KRTAP21-2: variants seen among roughly 807,000 people sequenced by gnomAD.
KRTAP21-2 encodes keratin associated protein 21-2.
For missense variants in KRTAP21-2, 103 were observed against 101.2 expected (o/e 1.02, Z -0.08); for synonymous variants, 38 against 38.6 (o/e 0.98, Z 0.06).
chr21:30,746,829 C>T lies in KRTAP21-2; in HGVS notation c.*122G>A. 3.5e-6 allele frequency: 4 copies of T among 1,154,940 alleles called. No individual in the cohort carries two copies. The highest frequency in any genetic ancestry group is 4.9e-6 in the Non-Finnish European group (4 of 815,568). 71.5% of individuals were successfully genotyped at this position (1,154,940 alleles called of 1,614,324 possible). A position where few individuals can be genotyped will look rare whatever the true frequency, so the allele number is the denominator to read the frequency against. On this transcript the variant is annotated 3_prime_UTR_variant, in exon 1 of 1. Transcript: ENST00000333892. ...GCCAACAGCTTCTCTTATATGCATT[C>T]AGATAGTCAGGTGACCATAGTCAAC...
chr21:30,746,991 C>G lies in KRTAP21-2; in HGVS notation c.212G>C (p.Arg71Pro). The G allele has an allele frequency of 6.2e-7, 1 of 1,613,884 alleles. No homozygotes were observed. The highest frequency in any genetic ancestry group is 8.5e-7 in the Non-Finnish European group (1 of 1,179,916). The part of the protein sequence containing the change: ...CGYSSSCCGY[R>P]PLCYRRCYSS... The stretch of plus-strand genomic sequence containing the variant: ...ATAGCATCTTCTGTAGCAAAGTGGT[C>G]GGTAGCCACAGCAGCTAGAGCTGTA... The change falls in exon 1 of 1, where the codon CGA (arginine) becomes CCA (proline). Residue 71 changes from arginine to proline, a missense_variant. Arg to Pro is a moderately radical substitution (Grantham distance 103, BLOSUM62 -2). Transcript: ENST00000333892.
At position 30,747,202 on chromosome 21, in the gene KRTAP21-2, TGATTTCAGGAGGTTA is replaced by T. The variant is rs1404358541; in HGVS notation, c.-15_-1del. 34 of 1,612,076 alleles carry T rather than the reference TGATTTCAGGAGGTTA, an allele frequency of 2.1e-5. No individual in the cohort carries two copies. The highest frequency in any genetic ancestry group is 2.6e-5 in the Non-Finnish European group (31 of 1,178,476). ...CAGTTTCTGTAGTAGTTGCAACACA[TGATTTCAGGAGGTTA>T]GATTTCAGTTGAGGTGTAGGAGGAT... On this transcript the variant is annotated 5_prime_UTR_variant, in exon 1 of 1. Transcript: ENST00000333892.
rs1313865540 is a variant in KRTAP21-2, at chr21:30,747,078, C to G, written c.125G>C (p.Gly42Ala). The change falls in exon 1 of 1, where the codon GGC (glycine) becomes GCC (alanine). Residue 42 changes from glycine (G) to alanine (A), a missense_variant. By Grantham distance (60) the Gly-to-Ala change is moderately conservative. Coordinates refer to ENST00000333892, the MANE Select transcript of KRTAP21-2 (RefSeq NM_181617.3). The part of the protein sequence containing the change: ...GYGSGCRYGS[G>A]YGTGCGYGCG... Reference sequence around the variant, plus strand: ...GCCATAGCCACAGCCAGTTCCATAGCCAGAGCCATATCTACAGCCAGAGCC... The same window carrying G: ...GCCATAGCCACAGCCAGTTCCATAGGCAGAGCCATATCTACAGCCAGAGCC... 6.2e-7 allele frequency: 1 copy of G among 1,613,956 alleles called. No individual in the cohort carries two copies. Among genetic ancestry groups the G allele is most frequent in the East Asian group, 2.2e-5 (1 of 44,854 alleles).
Position 30,747,144 on chromosome 21 carries a change from C to A in KRTAP21-2, c.59G>T (p.Ser20Ile). Residue 20 changes from serine (S) to isoleucine (I), a missense_variant, in exon 1 of 1, where the codon AGT becomes ATT. Coordinates refer to ENST00000333892, the MANE Select transcript of KRTAP21-2 (RefSeq NM_181617.3). ...GCCACAACCATATCCACAGCCGGAACTCCAGCCAGAGCCATATCCACAGCC... is the reference window on the plus strand; with the variant it reads ...GCCACAACCATATCCACAGCCGGAAATCCAGCCAGAGCCATATCCACAGCC... ...CGGCGYGSGW[S>I]SGCGYGCGYG... The A allele has an allele frequency of 6.2e-7, 1 of 1,614,000 alleles. No homozygotes were observed. Among genetic ancestry groups the A allele is most frequent in the Non-Finnish European group, 8.5e-7 (1 of 1,179,984 alleles).
Position 30,747,125 on chromosome 21 carries a change from ACCATATCCACAG to A in KRTAP21-2, c.66_77del (p.Cys31_Gly34del), listed in dbSNP as rs769521603. 1.8e-5 allele frequency: 29 copies of A among 1,613,520 alleles called. 2 individuals carry two copies. In the South Asian group the frequency reaches 3.2e-4, roughly 18 times the overall value. ...AGCCGTATCCACAGCCATAGCCACAACCATATCCACAGCCGGAACTCCAGCCAGAGCCATATC... is the reference window on the plus strand; with the variant it reads ...AGCCGTATCCACAGCCATAGCCACAACCGGAACTCCAGCCAGAGCCATATC... On this transcript the variant is annotated inframe_deletion, in exon 1 of 1. Transcript: ENST00000333892.
Position 30,746,891 on chromosome 21 carries a change from T to G in KRTAP21-2, c.*60A>C, listed in dbSNP as rs1983624816. On this transcript the variant is annotated 3_prime_UTR_variant, in exon 1 of 1. Coordinates refer to ENST00000333892, the MANE Select transcript of KRTAP21-2 (RefSeq NM_181617.3). Reference sequence around the variant, plus strand: ...TGTGAAGATAATGGGTAGGGGAGATTTCAATTGAACTTGATCTTGGAGAGG... The same window carrying G: ...TGTGAAGATAATGGGTAGGGGAGATGTCAATTGAACTTGATCTTGGAGAGG... 3.2e-6 allele frequency: 5 copies of G among 1,553,858 alleles called. No individual in the cohort carries two copies. In the African/African-American group the frequency reaches 4.1e-5, roughly 13 times the overall value.
rs779035174 is a variant in KRTAP21-2, at chr21:30,747,000, C to A, written c.203G>T (p.Cys68Phe). 39 of 1,614,024 alleles carry A rather than the reference C, an allele frequency of 2.4e-5. 1 individual carries two copies. Among genetic ancestry groups the A allele is most frequent in the Non-Finnish European group, 1.5e-5 (18 of 1,179,956 alleles). ...GYGCGYSSSCCGYRPLCYRRC... is the reference protein window; with the variant it reads ...GYGCGYSSSCFGYRPLCYRRC... ...TCTGTAGCAAAGTGGTCGGTAGCCA[C>A]AGCAGCTAGAGCTGTATCCACAGCC... Residue 68 changes from cysteine to phenylalanine, a missense_variant, in exon 1 of 1, where the codon TGT (cysteine) becomes TTT (phenylalanine). By Grantham distance (205) the Cys-to-Phe change is radical. Transcript: ENST00000333892.
rs765650513 is a variant in KRTAP21-2 at position 30,747,214 on chromosome 21, G to A, written c.-12C>T. 3.1e-6 allele frequency: 5 copies of A among 1,610,142 alleles called. No individual in the cohort carries two copies. The highest frequency in any genetic ancestry group is 1.7e-4 in the Middle Eastern group (1 of 6,030). ...TAGTTGCAACACATGATTTCAGGAGGTTAGATTTCAGTTGAGGTGTAGGAG... is the reference window on the plus strand; with the variant it reads ...TAGTTGCAACACATGATTTCAGGAGATTAGATTTCAGTTGAGGTGTAGGAG... On this transcript the variant is annotated 5_prime_UTR_variant, in exon 1 of 1. Transcript: ENST00000333892.
chr21:30,747,190 A>G lies in KRTAP21-2; in HGVS notation c.13T>C (p.Tyr5His). The change falls in exon 1 of 1, where the codon TAC (tyrosine) becomes CAC (histidine). Residue 5 changes from tyrosine to histidine, a missense_variant. Transcript: ENST00000333892. Reference sequence around the variant, plus strand: ...CAGCCCCCACAGCAGTTTCTGTAGTAGTTGCAACACATGATTTCAGGAGGT... The same window carrying G: ...CAGCCCCCACAGCAGTTTCTGTAGTGGTTGCAACACATGATTTCAGGAGGT... MCCN[Y>H]YRNCCGGCGY... 6.2e-7 allele frequency: 1 copy of G among 1,613,304 alleles called. No homozygotes were observed. The highest frequency in any genetic ancestry group is 8.5e-7 in the Non-Finnish European group (1 of 1,179,348).
Position 30,747,254 on chromosome 21 carries a change from G to A in KRTAP21-2, c.-52C>T, listed in dbSNP as rs748866997. The A allele has an allele frequency of 5.1e-6, 8 of 1,576,350 alleles. No homozygotes were observed. The highest frequency in any genetic ancestry group is 4.0e-5 in the African/African-American group (3 of 74,390). On this transcript the variant is annotated 5_prime_UTR_variant, in exon 1 of 1. Coordinates refer to ENST00000333892, the MANE Select transcript of KRTAP21-2 (RefSeq NM_181617.3). ...AGGTGTAGGAGGATATTTCTGAAGT[G>A]TGACTGTCCTCTACTCTTCTAAGAC...
rs1259510406 is a variant in KRTAP21-2, at chr21:30,746,918, C to A, written c.*33G>T. On this transcript the variant is annotated 3_prime_UTR_variant, in exon 1 of 1. Transcript: ENST00000333892. ...CAATTGAACTTGATCTTGGAGAGGTCATTGCAAAGCCAAGGATGACCTGTA... is the reference window on the plus strand; with the variant it reads ...CAATTGAACTTGATCTTGGAGAGGTAATTGCAAAGCCAAGGATGACCTGTA... 1 of 1,589,286 alleles carries A rather than the reference C, an allele frequency of 6.3e-7. No homozygotes were observed. Among genetic ancestry groups the A allele is most frequent in the Non-Finnish European group, 8.6e-7 (1 of 1,163,694 alleles).
chr21:30,747,195 C>A lies in KRTAP21-2; in HGVS notation c.8G>T (p.Cys3Phe), dbSNP rs761056605. ...CCCACAGCAGTTTCTGTAGTAGTTG[C>A]AACACATGATTTCAGGAGGTTAGAT... MC[C>F]NYYRNCCGGC... The change falls in exon 1 of 1, where the codon TGC (cysteine) becomes TTC (phenylalanine). Residue 3 changes from cysteine to phenylalanine, a missense_variant. Physicochemically the swap from Cys to Phe is radical, Grantham distance 205. Transcript: ENST00000333892. 7 of 1,612,730 alleles carry A rather than the reference C, an allele frequency of 4.3e-6. No individual in the cohort carries two copies. The South Asian group carries it at 7.7e-5, about 18-fold the overall frequency.
At position 30,747,258 on chromosome 21, in the gene KRTAP21-2, C is replaced by G. The variant is rs2833074; in HGVS notation, c.-56G>C. ...GTAGGAGGATATTTCTGAAGTGTGA[C>G]TGTCCTCTACTCTTCTAAGACCTTT... On this transcript the variant is annotated 5_prime_UTR_variant, in exon 1 of 1. Coordinates refer to ENST00000333892, the MANE Select transcript of KRTAP21-2 (RefSeq NM_181617.3). 114,347 of 1,556,720 alleles carry G rather than the reference C, an allele frequency of 0.073. 9,436 individuals are homozygous for G. Among genetic ancestry groups the G allele is most frequent in the East Asian group, 0.36 (15,908 of 44,356 alleles).
At position 30,747,233 on chromosome 21, in the gene KRTAP21-2, G is replaced by A; in HGVS notation, c.-31C>T. The A allele has an allele frequency of 6.2e-7, 1 of 1,601,872 alleles. No individual in the cohort carries two copies. Among genetic ancestry groups the A allele is most frequent in the Non-Finnish European group, 8.5e-7 (1 of 1,171,596 alleles). ...CAGGAGGTTAGATTTCAGTTGAGGT[G>A]TAGGAGGATATTTCTGAAGTGTGAC... On this transcript the variant is annotated 5_prime_UTR_variant, in exon 1 of 1. Transcript: ENST00000333892.
At position 30,747,051 on chromosome 21, in the gene KRTAP21-2, C is replaced by A; in HGVS notation, c.152G>T (p.Cys51Phe). ...SGYGTGCGYG[C>F]GYGSGCGYGC... is the part of the protein sequence containing the mutation. Reference sequence around the variant, plus strand: ...ATATCCACAGCCAGAGCCGTATCCACAGCCATAGCCACAGCCAGTTCCATA... The same window carrying A: ...ATATCCACAGCCAGAGCCGTATCCAAAGCCATAGCCACAGCCAGTTCCATA... The change falls in exon 1 of 1, where the codon TGT becomes TTT. Residue 51 changes from cysteine to phenylalanine, a missense_variant. Cys to Phe is a radical substitution (Grantham distance 205, BLOSUM62 -2). Transcript: ENST00000333892. The A allele has an allele frequency of 6.2e-7, 1 of 1,613,784 alleles. No individual in the cohort carries two copies. Among genetic ancestry groups the A allele is most frequent in the Non-Finnish European group, 8.5e-7 (1 of 1,179,904 alleles).
chr21:30,746,817 CTT>C lies in KRTAP21-2; in HGVS notation c.*132_*133del, dbSNP rs1006817061. The stretch of plus-strand genomic sequence containing the variant: ...TCTCCATCCACTGCCAACAGCTTCT[CTT>C]ATATGCATTCAGATAGTCAGGTGAC... On this transcript the variant is annotated 3_prime_UTR_variant, in exon 1 of 1. Coordinates refer to ENST00000333892, the MANE Select transcript of KRTAP21-2 (RefSeq NM_181617.3). The C allele has an allele frequency of 3.0e-6, 3 of 1,002,776 alleles. No homozygotes were observed. The African/African-American group carries it at 4.8e-5, about 16-fold the overall frequency. The allele number at this position is 1,002,776 out of a possible 1,614,324, so 62.1% of individuals were successfully genotyped here.
Position 30,747,113 on chromosome 21 carries a change from G to C in KRTAP21-2, c.90C>G (p.Gly30=), listed in dbSNP as rs919627485. The change falls in exon 1 of 1, where the codon GGC becomes GGG. Residue 30 remains glycine (G), a synonymous_variant. Transcript: ENST00000333892. Reference sequence around the variant, plus strand: ...ATCTACAGCCAGAGCCGTATCCACAGCCATAGCCACAACCATATCCACAGC... The same window carrying C: ...ATCTACAGCCAGAGCCGTATCCACACCCATAGCCACAACCATATCCACAGC... The part of the protein sequence containing the change: ...SSGCGYGCGY[G]CGYGSGCRYG... 6 of 1,613,766 alleles carry C rather than the reference G, an allele frequency of 3.7e-6. No homozygotes were observed. The highest frequency in any genetic ancestry group is 5.1e-6 in the Non-Finnish European group (6 of 1,179,960).
At position 30,747,227 on chromosome 21, in the gene KRTAP21-2, T is replaced by C; in HGVS notation, c.-25A>G. 1 of 1,607,166 alleles carries C rather than the reference T, an allele frequency of 6.2e-7. No homozygotes were observed. The highest frequency in any genetic ancestry group is 8.5e-7 in the Non-Finnish European group (1 of 1,175,146). ...TGATTTCAGGAGGTTAGATTTCAGT[T>C]GAGGTGTAGGAGGATATTTCTGAAG... On this transcript the variant is annotated 5_prime_UTR_variant, in exon 1 of 1. Coordinates refer to ENST00000333892, the MANE Select transcript of KRTAP21-2 (RefSeq NM_181617.3).
In KRTAP21-2 at chr21:30,747,075, T is replaced by G; in HGVS notation, c.128A>C (p.Tyr43Ser). Residue 43 changes from tyrosine (Y) to serine (S), a missense_variant, in exon 1 of 1, where the codon TAT (tyrosine) becomes TCT (serine). Physicochemically the swap from Tyr to Ser is moderately radical, Grantham distance 144. Transcript: ENST00000333892. The part of the protein sequence containing the change: ...YGSGCRYGSG[Y>S]GTGCGYGCGY... ...ACAGCCATAGCCACAGCCAGTTCCA[T>G]AGCCAGAGCCATATCTACAGCCAGA... is the stretch of plus-strand genomic sequence containing the variant. 6.2e-7 allele frequency: 1 copy of G among 1,613,750 alleles called. No homozygotes were observed. Among genetic ancestry groups the G allele is most frequent in the Non-Finnish European group, 8.5e-7 (1 of 1,179,920 alleles).
Sources: allele counts gnomAD v4.1 joint callset, GRCh38; gene constraint gnomAD v4.1.1; transcripts MANE v1.5; gene names NCBI Gene and HGNC (gene_info 2026-07-23, HGNC 2026-07-21).